The following RANGAP1 variants were observed in gnomAD, a reference collection of about 807,000 sequenced individuals.
RANGAP1 encodes ran GTPase-activating protein 1.
In RANGAP1, 38 loss-of-function variants were observed where a neutral mutation model predicts 63.5. The ratio of observed to expected loss-of-function variants is 0.60; its 90% confidence interval spans 0.46 to 0.78. The LOEUF (loss-of-function observed/expected upper bound fraction) is 0.78. Ranked by LOEUF, RANGAP1 falls within the 30% of genes least tolerant of loss-of-function variation. The pLI is 0.00. For synonymous variants in RANGAP1, 329 were observed against 310.5 expected, an observed-to-expected ratio of 1.06 and a Z score of -0.63; for missense variants, 630 against 740.3, an observed-to-expected ratio of 0.85 and a Z score of 1.73.
At chr22:41,265,751 G>A (rs2034429072) in intron 4 of RANGAP1, among the ~76,000 whole-genome samples, 1 of 152,182 alleles carries the variant, frequency 6.6e-6, no homozygotes, top group Admixed American at 6.5e-5. Flanking sequence ...GTCAGAAATG[G>A]GGCTGAGCAG....
At position 41,257,631 on chromosome 22, in the gene RANGAP1, A is replaced by G. The variant is rs1421855483; in HGVS notation, c.774+317T>C. Among the ~76,000 whole-genome samples, 1 of 152,258 alleles carries G rather than the reference A, an allele frequency of 6.6e-6. No homozygotes were observed. Among genetic ancestry groups the G allele is most frequent in the African/African-American group, 2.4e-5 (1 of 41,466 alleles). The stretch of plus-strand genomic sequence containing the variant: ...CAAACAACAGCTGCTGAACAAATCA[A>G]CCAGGAAAACAGATGTGGGGAGCAG... On this transcript the variant is annotated intron_variant, in intron 7 of 15. Transcript: ENST00000356244. The surrounding 1 kb of genome is among the most constrained non-coding windows in gnomAD (Gnocchi z 4.0).
Position 41,254,318 on chromosome 22 carries a change from G to C in RANGAP1, c.1250C>G (p.Pro417Arg). Residue 417 changes from proline to arginine, a missense_variant, in exon 11 of 16, where the codon CCT becomes CGT. This residue lies in a region of RANGAP1 where 428 missense variants were observed against 465.5 expected (regional missense o/e 0.92). Transcript: ENST00000356244. ...SATPSRKILD[P>R]NTGEPAPVLS... ...ATGATAGAAACTCACCCCAGTGTTA[G>C]GGTCCAGAATCTTCCGTGAGGGCGT... 1 of 1,614,090 alleles carries C rather than the reference G, an allele frequency of 6.2e-7. No homozygotes were observed. The highest frequency in any genetic ancestry group is 8.5e-7 in the Non-Finnish European group (1 of 1,180,010).
chr22:41,263,957 G>C (rs2034316805), intron 5 of RANGAP1, among the ~76,000 whole-genome samples: 1 of 152,262 alleles, frequency 6.6e-6, no homozygotes, highest in African/African-American at 2.4e-5. Flanking sequence ...CCACCTTTCA[G>C]TGTGGGTGGG....
At chr22:41,298,027 T>C in the RANGAP1 span, among the ~76,000 whole-genome samples, 1 of 151,986 alleles carries the variant, frequency 6.6e-6, no homozygotes, top group Admixed American at 6.6e-5. Flanking sequence ...CTGGCTGATA[T>C]TTGTATTTTT....
Position 41,249,814 on chromosome 22 carries a change from G to A in RANGAP1, c.1487C>T (p.Ala496Val). The A allele has an allele frequency of 6.2e-7, 1 of 1,613,318 alleles. No homozygotes were observed. Among genetic ancestry groups the A allele is most frequent in the Non-Finnish European group, 8.5e-7 (1 of 1,179,226 alleles). Residue 496 changes from alanine to valine, a missense_variant, in exon 14 of 16, where the codon GCC (alanine) becomes GTC (valine). This residue lies in a region of RANGAP1 where 428 missense variants were observed against 465.5 expected (regional missense o/e 0.92). Transcript: ENST00000356244. ...GGAGTTGAAAGCCTTCTGCATCAGG[G>A]CATCTGTAGGGCAGAAGCAGCAGGG... ...VRMAVQDAVD[A>V]LMQKAFNSSS...
intron 2 of RANGAP1, among the ~76,000 whole-genome samples, chr22:41,278,942 T>C (rs996489638): frequency 2.6e-5 from 4 of 151,196 alleles, no homozygotes; most frequent in Non-Finnish European, 4.4e-5. Context: ...ATCGAGACCA[T>C]CTTGGCTAAC....
rs1466962452 is a variant in RANGAP1, at chr22:41,246,224, C to T, written c.*379G>A. The T allele has an allele frequency of 5.0e-6, 1 of 201,678 alleles. No homozygotes were observed. The highest frequency in any genetic ancestry group is 2.3e-5 in the African/African-American group (1 of 42,916). 12.5% of individuals were successfully genotyped at this position (201,678 alleles called of 1,614,324 possible). A position where few individuals can be genotyped will look rare whatever the true frequency, so the allele number is the denominator to read the frequency against. ...GGCAACTCCCTGGGTTCTGGCTCCG[C>T]CAGGGAGCCGGGCCGGAAGGCAGGT... On this transcript the variant is annotated 3_prime_UTR_variant, in exon 16 of 16. Transcript: ENST00000356244.
chr22:41,288,517 C>A (rs1229647291), upstream of RANGAP1, among the ~76,000 whole-genome samples: 1 of 152,118 alleles, frequency 6.6e-6, no homozygotes, highest in African/African-American at 2.4e-5. Context: ...GTGCTGCTTC[C>A]AGCTAGGACT....
intron 1 of RANGAP1, chr22:41,285,518 C>G: frequency 2.0e-6 from 2 of 985,502 alleles, no homozygotes; most frequent in Non-Finnish European, 2.4e-6. Context: ...GATGCATGCT[C>G]CTGCAAAGCG....
At chr22:41,274,366 G>A (rs575077439) in intron 3 of RANGAP1, among the ~76,000 whole-genome samples, 1 of 152,306 alleles carries the variant, frequency 6.6e-6, no homozygotes, top group African/African-American at 2.4e-5. Context: ...TCTTTCACAG[G>A]TGTCATGCCA....
rs764542425 is a variant in RANGAP1 at position 41,249,320 on chromosome 22, C to A, written c.1694+10G>T. On this transcript the variant is annotated intron_variant, in intron 15 of 15. Coordinates refer to ENST00000356244, the MANE Select transcript of RANGAP1 (RefSeq NM_002883.4). ...GGCAGGCACCGGCAGAAGGACAAGG[C>A]CACACTCACTTGGTCACGAACGCCA... is the stretch of plus-strand genomic sequence containing the variant. 5 of 1,591,144 alleles carry A rather than the reference C, an allele frequency of 3.1e-6. No individual in the cohort carries two copies. The South Asian group carries it at 5.7e-5, about 18-fold the overall frequency.
intron 1 of RANGAP1, among the ~76,000 whole-genome samples, chr22:41,284,402 T>C (rs1407012882): frequency 6.7e-6 from 1 of 150,210 alleles, no homozygotes; most frequent in African/African-American, 2.5e-5. Context: ...ACCCTGTCTC[T>C]ACCAAAAATA....
rs1361726278 is a variant in RANGAP1 at position 41,246,618 on chromosome 22, C to T, written c.1749G>A (p.Thr583=). Residue 583 remains threonine (T), a synonymous_variant, in exon 16 of 16, where the codon ACG becomes ACA. Transcript: ENST00000356244. ...GGCTTTGAGTCTAGACCTTGTACAGCGTCTGCAGCAGACTGTGGCGGGCGA... is the reference window on the plus strand; with the variant it reads ...GGCTTTGAGTCTAGACCTTGTACAGTGTCTGCAGCAGACTGTGGCGGGCGA... The part of the protein sequence containing the change: ...CSFARHSLLQ[T]LYKV 6 of 1,579,132 alleles carry T rather than the reference C, an allele frequency of 3.8e-6. No individual in the cohort carries two copies. The highest frequency in any genetic ancestry group is 4.6e-5 in the East Asian group (2 of 43,642).
the RANGAP1 span, among the ~76,000 whole-genome samples, chr22:41,296,690 A>G: frequency 6.6e-6 from 1 of 152,102 alleles, no homozygotes; most frequent in African/African-American, 2.4e-5. Context: ...AATGCTATGC[A>G]TATAATAACT....
chr22:41,266,144 G>C (rs2034460406), intron 4 of RANGAP1, among the ~76,000 whole-genome samples: 1 of 151,214 alleles, frequency 6.6e-6, no homozygotes, highest in African/African-American at 2.4e-5. Context: ...GGAGCTTGCA[G>C]TGAGCCGAGA....
rs944206204 is a variant in RANGAP1 at position 41,256,216 on chromosome 22, A to C, written c.963T>G (p.Ala321=). The part of the protein sequence containing the change: ...LAVAEAMADK[A]ELEKLDLNGN... The stretch of plus-strand genomic sequence containing the variant: ...CATTCAGGTCCAGCTTCTCCAGCTC[A>C]GCTTTGTCTGCCATGGCCTCAGCAA... Residue 321 remains alanine (A), a synonymous_variant, in exon 9 of 16, where the codon GCT becomes GCG. Coordinates refer to ENST00000356244, the MANE Select transcript of RANGAP1 (RefSeq NM_002883.4). 6 of 1,614,024 alleles carry C rather than the reference A, an allele frequency of 3.7e-6. No homozygotes were observed. Among genetic ancestry groups the C allele is most frequent in the Non-Finnish European group, 5.1e-6 (6 of 1,180,010 alleles).
the RANGAP1 span, among the ~76,000 whole-genome samples, chr22:41,297,686 CTTTTTTT>C: frequency 1.1e-5 from 1 of 93,368 alleles, no homozygotes; most frequent in African/African-American, 4.0e-5. Context: ...CCACACCTGG[CTTTTTTT>C]TTTTTTTTTT....
chr22:41,291,817 C>T, the RANGAP1 span, among the ~76,000 whole-genome samples: 7 of 151,394 alleles, frequency 4.6e-5, no homozygotes, highest in Non-Finnish European at 8.8e-5. Flanking sequence ...AGGAGAATGG[C>T]GTGAACCTGG....
rs2033917608 is a variant in RANGAP1, at chr22:41,257,613, C to T, written c.774+335G>A. Among the ~76,000 whole-genome samples, 2 of 152,244 alleles carry T rather than the reference C, an allele frequency of 1.3e-5. No homozygotes were observed. The highest frequency in any genetic ancestry group is 4.8e-5 in the African/African-American group (2 of 41,464). ...TGATAATAAATAACAAAACAAACAA[C>T]AGCTGCTGAACAAATCAACCAGGAA... On this transcript the variant is annotated intron_variant, in intron 7 of 15. Coordinates refer to ENST00000356244, the MANE Select transcript of RANGAP1 (RefSeq NM_002883.4). This position sits in a 1 kb window ranked among gnomAD's most constrained non-coding sequence, Gnocchi z 4.0.
Sources: allele counts gnomAD v4.1 joint callset (sites outside exome capture counted in the v4.1 genomes callset), GRCh38; gene constraint gnomAD v4.1.1; regional missense constraint gnomAD v4.1.1; non-coding constraint Gnocchi (gnomAD v3.1); transcripts MANE v1.5; gene names NCBI Gene and HGNC (gene_info 2026-07-23, HGNC 2026-07-21).